The following CPS1 variants were observed in gnomAD, a reference collection of about 807,000 sequenced individuals.
CPS1 encodes carbamoyl-phosphate synthase 1.
CPS1 carries 109 observed loss-of-function variants against 174.6 expected under a neutral mutation model. That is an observed-to-expected ratio of 0.62 (90% CI 0.53 to 0.73). The LOEUF is 0.73. Among genes scored for constraint, CPS1 ranks in the 30% least tolerant of loss-of-function variants. CPS1 has a pLI of 0.00. For synonymous variants in CPS1, 637 were observed against 632.0 expected, an observed-to-expected ratio of 1.01 and a Z score of -0.12; for missense variants, 1,689 against 1,821.9, an observed-to-expected ratio of 0.93 and a Z score of 1.33.
intron 1 of CPS1, among the ~76,000 whole-genome samples, chr2:210,490,255 T>C (rs567003411): frequency 6.6e-6 from 1 of 152,252 alleles, no homozygotes; most frequent in Non-Finnish European, 1.5e-5. Context: ...TGGGGAGATA[T>C]ATATGCTTAT....
At chr2:210,607,371 A>G (rs1404800604) in intron 18 of CPS1, among the ~76,000 whole-genome samples, 1 of 151,938 alleles carries the variant, frequency 6.6e-6, no homozygotes, top group Non-Finnish European at 1.5e-5. Flanking sequence ...TATTTTATCA[A>G]AACTCCACAA....
chr2:210,663,299 T>A, intron 33 of CPS1, 102 bp downstream of exon 33: 1 of 1,125,096 alleles, frequency 8.9e-7, no homozygotes, highest in Non-Finnish European at 1.3e-6. Flanking sequence ...AAACATCTGC[T>A]ATCAGAGTAA....
chr2:210,632,150 G>A (rs1699890153), intron 21 of CPS1, among the ~76,000 whole-genome samples: 2 of 151,934 alleles, frequency 1.3e-5, no homozygotes, highest in African/African-American at 4.8e-5. Context: ...AAATGTTATA[G>A]CCTTGTTTTG....
At chr2:210,512,696 A>G (rs1306653898) in intron 1 of CPS1, among the ~76,000 whole-genome samples, 3 of 136,786 alleles carry the variant, frequency 2.2e-5, no homozygotes, top group East Asian at 2.2e-4. Context: ...TGGTAGAACA[A>G]TTTATTTTCT....
chr2:210,585,095 C>G (rs912131762), intron 6 of CPS1, among the ~76,000 whole-genome samples: 3 of 152,000 alleles, frequency 2.0e-5, no homozygotes, highest in Non-Finnish European at 4.4e-5. Context: ...TTGCATTTAA[C>G]TCTTTGAAAG....
At chr2:210,512,091 A>G (rs755134846) in intron 1 of CPS1, among the ~76,000 whole-genome samples, 9 of 152,100 alleles carry the variant, frequency 5.9e-5, no homozygotes, top group Non-Finnish European at 1.0e-4. Flanking sequence ...TCATTTTCCT[A>G]GAGACCACAT....
At chr2:210,546,444 T>C (rs1246952195) in intron 1 of CPS1, among the ~76,000 whole-genome samples, 3 of 152,130 alleles carry the variant, frequency 2.0e-5, no homozygotes, top group Admixed American at 6.6e-5. Context: ...ACCAGGAAGA[T>C]ATTAATGTGT....
At chr2:210,578,856 T>G (rs550619688) in intron 4 of CPS1, among the ~76,000 whole-genome samples, 1 of 152,266 alleles carries the variant, frequency 6.6e-6, no homozygotes, top group African/African-American at 2.4e-5. Context: ...TTCCTTTTTG[T>G]TATTTAGGAC....
chr2:210,593,158 G>T (rs958230796), intron 11 of CPS1, among the ~76,000 whole-genome samples: 14 of 151,862 alleles, frequency 9.2e-5, no homozygotes, highest in African/African-American at 3.4e-4. Context: ...TTTAAAGTGG[G>T]AAAGCCCTTA....
intron 31 of CPS1, among the ~76,000 whole-genome samples, chr2:210,659,232 A>G (rs894435604): frequency 3.3e-5 from 5 of 152,082 alleles, no homozygotes; most frequent in Non-Finnish European, 7.4e-5. Context: ...TCTGGTGGCT[A>G]GATAGTCTAA....
At chr2:210,529,459 T>A (rs1696061194) in intron 1 of CPS1, among the ~76,000 whole-genome samples, 1 of 151,974 alleles carries the variant, frequency 6.6e-6, no homozygotes, top group Admixed American at 6.6e-5. Flanking sequence ...TTTATGCAAT[T>A]TGGGAAAGGT....
chr2:210,583,260 G>T (rs546667948), intron 6 of CPS1, among the ~76,000 whole-genome samples: 31 of 152,152 alleles, frequency 2.0e-4, no homozygotes, highest in Non-Finnish European at 3.1e-4. Flanking sequence ...AAAAGGTAAA[G>T]AATACATTTT....
chr2:210,478,191 T>G (rs1187228643), intron 1 of CPS1, among the ~76,000 whole-genome samples: 2 of 152,330 alleles, frequency 1.3e-5, no homozygotes, highest in South Asian at 2.1e-4. Flanking sequence ...CTGGACTAGT[T>G]TATATTCCCT....
chr2:210,492,018 C>G (rs1468264115), intron 1 of CPS1, among the ~76,000 whole-genome samples: 2 of 152,210 alleles, frequency 1.3e-5, no homozygotes, highest in Non-Finnish European at 2.9e-5. Flanking sequence ...AACCAGGAAC[C>G]TGGTGGCTGG....
At chr2:210,529,693 T>C (rs1249166410) in intron 1 of CPS1, among the ~76,000 whole-genome samples, 1 of 152,020 alleles carries the variant, frequency 6.6e-6, no homozygotes, top group African/African-American at 2.4e-5. Context: ...ACAGAATGTC[T>C]TACTTCACAT....
chr2:210,602,454 C>T, intron 16 of CPS1, 124 bp downstream of exon 16: 2 of 1,239,364 alleles, frequency 1.6e-6, no homozygotes, highest in Non-Finnish European at 2.3e-6. Flanking sequence ...ATCATGTTCT[C>T]CAAAAGCGTA....
At chr2:210,481,752 A>C (rs1694576287) in intron 1 of CPS1, among the ~76,000 whole-genome samples, 1 of 152,248 alleles carries the variant, frequency 6.6e-6, no homozygotes, top group African/African-American at 2.4e-5. Flanking sequence ...CCTTGAGGGC[A>C]GGTGTATAGG....
At chr2:210,486,384 A>G (rs1366312001) in intron 1 of CPS1, among the ~76,000 whole-genome samples, 2 of 152,144 alleles carry the variant, frequency 1.3e-5, no homozygotes, top group African/African-American at 2.4e-5. Flanking sequence ...AAGAGCATCT[A>G]ATGACTGGTC....
At chr2:210,672,086 G>A (rs1189471714) in intron 34 of CPS1, 1 of 152,060 alleles carries the variant, frequency 6.6e-6, no homozygotes. Context: ...TCCACTCCCA[G>A]AGTTCCTGAT....
Sources: gnomAD v4.1 joint callset for allele counts (sites outside exome capture counted in the v4.1 genomes callset) on GRCh38, gnomAD v4.1.1 for gene constraint, MANE v1.5 for transcripts, NCBI Gene and HGNC (gene_info 2026-07-23, HGNC 2026-07-21) for gene names.